The following KCNQ1OT1 variants were observed in gnomAD, a reference collection of about 807,000 sequenced individuals.
The protein encoded by KCNQ1OT1 is KCNQ1 opposite strand/antisense transcript 1.
In KCNQ1OT1 at chr11:2,676,752, T is replaced by C; in HGVS notation, n.23243A>G. ...AGTGGCTTTGGGTACGATGGTCTGC[T>C]GTATGAAGCAACCCTAGGACATTTG... On this transcript the variant is annotated non_coding_transcript_exon_variant, in exon 1 of 1. Transcript: ENST00000597346. This position sits in a 1 kb window ranked among gnomAD's most constrained non-coding sequence, Gnocchi z 4.2. The C allele has an allele frequency of 2.5e-6, 1 of 398,646 alleles. No homozygotes were observed. The highest frequency in any genetic ancestry group is 3.6e-5 in the East Asian group (1 of 28,078). 24.7% of individuals were successfully genotyped at this position (398,646 alleles called of 1,614,324 possible).
exon 1 of KCNQ1OT1, chr11:2,635,067 G>T (rs1206030856): frequency 1.3e-5 from 2 of 152,184 alleles, no homozygotes; most frequent in African/African-American, 4.8e-5. Flanking sequence ...GTTCTTTGTA[G>T]ATTCTGGATA....
chr11:2,630,482 T>TC (rs1310727248), exon 1 of KCNQ1OT1: 2 of 398,234 alleles, frequency 5.0e-6, no homozygotes, highest in Non-Finnish European at 4.4e-6. Flanking sequence ...ATCTTATACT[T>TC]CCCCCGCTAC....
chr11:2,691,298 A>C lies in KCNQ1OT1; in HGVS notation n.8697T>G, dbSNP rs1405139509. The C allele has an allele frequency of 5.0e-6, 2 of 398,446 alleles. No homozygotes were observed. The highest frequency in any genetic ancestry group is 8.8e-6 in the Non-Finnish European group (2 of 226,086). The allele number at this position is 398,446 out of a possible 1,614,324, so 24.7% of individuals were successfully genotyped here. A position where few individuals can be genotyped will look rare whatever the true frequency, so the allele number is the denominator to read the frequency against. On this transcript the variant is annotated non_coding_transcript_exon_variant, in exon 1 of 1. Coordinates refer to ENST00000597346, the Ensembl canonical transcript of KCNQ1OT1. This position sits in a 1 kb window ranked among gnomAD's most constrained non-coding sequence, Gnocchi z 6.4. ...ATCAGGAAGGAGAGCTGACAAGAAA[A>C]AGGCGATGTCTCACCCCTGAGCTAC... is the stretch of plus-strand genomic sequence containing the variant.
Position 2,628,325 on chromosome 11 carries a change from G to A in KCNQ1OT1, n.71670C>T, listed in dbSNP as rs77825075. 99 of 398,326 alleles carry A rather than the reference G, an allele frequency of 2.5e-4. 1 individual carries two copies. The highest frequency in any genetic ancestry group is 1.9e-3 in the African/African-American group (93 of 48,676). The allele number at this position is 398,326 out of a possible 1,614,324, so 24.7% of individuals were successfully genotyped here. On this transcript the variant is annotated non_coding_transcript_exon_variant, in exon 1 of 1. Transcript: ENST00000597346. Reference sequence around the variant, plus strand: ...TATCTTTTGACTTTTTGATAATAGCGATTCTAACAGTTATGAGGTGATATC... The same window carrying A: ...TATCTTTTGACTTTTTGATAATAGCAATTCTAACAGTTATGAGGTGATATC...
rs1850343726 is a variant in KCNQ1OT1, at chr11:2,679,109, T to C, written n.20886A>G. On this transcript the variant is annotated non_coding_transcript_exon_variant, in exon 1 of 1. Coordinates refer to ENST00000597346, the Ensembl canonical transcript of KCNQ1OT1. The surrounding 1 kb of genome is among the most constrained non-coding windows in gnomAD (Gnocchi z 4.8). The stretch of plus-strand genomic sequence containing the variant: ...GTCATAGCTAGAGCTAGAGTGCTGT[T>C]ATAAGCTGTGCAGGCCAAAATGGTT... 2.5e-6 allele frequency: 1 copy of C among 398,646 alleles called. No homozygotes were observed. The highest frequency in any genetic ancestry group is 4.4e-6 in the Non-Finnish European group (1 of 226,068). The allele number at this position is 398,646 out of a possible 1,614,324, so 24.7% of individuals were successfully genotyped here. A position where few individuals can be genotyped will look rare whatever the true frequency, so the allele number is the denominator to read the frequency against.
At position 2,676,840 on chromosome 11, in the gene KCNQ1OT1, G is replaced by A. The variant is rs769982423; in HGVS notation, n.23155C>T. 6.8e-5 allele frequency: 27 copies of A among 398,492 alleles called. No homozygotes were observed. Among genetic ancestry groups the A allele is most frequent in the Non-Finnish European group, 1.1e-4 (25 of 226,070 alleles). The allele number at this position is 398,492 out of a possible 1,614,324, so 24.7% of individuals were successfully genotyped here. On this transcript the variant is annotated non_coding_transcript_exon_variant, in exon 1 of 1. Coordinates refer to ENST00000597346, the Ensembl canonical transcript of KCNQ1OT1. This position sits in a 1 kb window ranked among gnomAD's most constrained non-coding sequence, Gnocchi z 4.2. ...TCTACCACAGGGGTCATGTTGTAAT[G>A]ACACCTGTCAGCTTTGACTGGGGAG...
At position 2,620,199 on chromosome 11, in the gene KCNQ1OT1, G is replaced by GTA. The variant is rs140322945; in HGVS notation, n.79794_79795dup. On this transcript the variant is annotated non_coding_transcript_exon_variant, in exon 1 of 1. Coordinates refer to ENST00000597346, the Ensembl canonical transcript of KCNQ1OT1. This position sits in a 1 kb window ranked among gnomAD's most constrained non-coding sequence, Gnocchi z 4.5. ...CTGCAAAGGACGTAAGTTCATTCAT[G>GTA]TATATATATATATTTTTTTTTTTTA... The GTA allele has an allele frequency of 1.0e-3, 305 of 295,018 alleles. 1 individual carries two copies. The highest frequency in any genetic ancestry group is 7.2e-3 in the African/African-American group (222 of 30,680). The allele number at this position is 295,018 out of a possible 1,614,324, so 18.3% of individuals were successfully genotyped here.
Position 2,648,827 on chromosome 11 carries a change from T to G in KCNQ1OT1, n.51168A>C, listed in dbSNP as rs181892045. On this transcript the variant is annotated non_coding_transcript_exon_variant, in exon 1 of 1. Coordinates refer to ENST00000597346, the Ensembl canonical transcript of KCNQ1OT1. Reference sequence around the variant, plus strand: ...AAATGTTGCCATCCCTAACTATTATTGTATTGGGGTCTATCTCTTTAGCAC... The same window carrying G: ...AAATGTTGCCATCCCTAACTATTATGGTATTGGGGTCTATCTCTTTAGCAC... 3 of 398,508 alleles carry G rather than the reference T, an allele frequency of 7.5e-6. No homozygotes were observed. In the East Asian group the frequency reaches 1.1e-4, roughly 14 times the overall value. The allele number at this position is 398,508 out of a possible 1,614,324, so 24.7% of individuals were successfully genotyped here.
exon 1 of KCNQ1OT1, chr11:2,694,204 G>T (rs1850635071): frequency 2.5e-6 from 1 of 398,580 alleles, no homozygotes; most frequent in Non-Finnish European, 4.4e-6. Context: ...TCTCACCGAG[G>T]TGGTGAGGCT....
At chr11:2,635,188 A>G (rs1849441193) in exon 1 of KCNQ1OT1, 1 of 152,164 alleles carries the variant, frequency 6.6e-6, no homozygotes, top group Admixed American at 6.5e-5. Context: ...TAGTTTAATT[A>G]GATCCCATTT....
In KCNQ1OT1 at chr11:2,642,711, G is replaced by C. The variant is rs1020023655; in HGVS notation, n.57284C>G. ...TTTCCTTCTACTAATTTTATGTTTA[G>C]TATGGTTTGTTCTTGCTTTTCTGGT... On this transcript the variant is annotated non_coding_transcript_exon_variant, in exon 1 of 1. Transcript: ENST00000597346. The surrounding 1 kb of genome is among the most constrained non-coding windows in gnomAD (Gnocchi z 4.3). 6 of 397,502 alleles carry C rather than the reference G, an allele frequency of 1.5e-5. No individual in the cohort carries two copies. The highest frequency in any genetic ancestry group is 1.3e-4 in the Admixed American group (3 of 22,646). The allele number at this position is 397,502 out of a possible 1,614,324, so 24.6% of individuals were successfully genotyped here.
rs1487761283 is a variant in KCNQ1OT1 at position 2,677,067 on chromosome 11, T to G, written n.22928A>C. 2 of 398,496 alleles carry G rather than the reference T, an allele frequency of 5.0e-6. No homozygotes were observed. Among genetic ancestry groups the G allele is most frequent in the Non-Finnish European group, 8.8e-6 (2 of 226,062 alleles). The allele number at this position is 398,496 out of a possible 1,614,324, so 24.7% of individuals were successfully genotyped here. A position where few individuals can be genotyped will look rare whatever the true frequency, so the allele number is the denominator to read the frequency against. Reference sequence around the variant, plus strand: ...AGGGCAGCTAAAAAACAGCAGCCATTAACCATTCAAATATATTCACTACTG... The same window carrying G: ...AGGGCAGCTAAAAAACAGCAGCCATGAACCATTCAAATATATTCACTACTG... On this transcript the variant is annotated non_coding_transcript_exon_variant, in exon 1 of 1. Coordinates refer to ENST00000597346, the Ensembl canonical transcript of KCNQ1OT1. The surrounding 1 kb of genome is among the most constrained non-coding windows in gnomAD (Gnocchi z 4.5).
Position 2,695,715 on chromosome 11 carries a change from C to G in KCNQ1OT1, n.4280G>C, listed in dbSNP as rs1850664208. On this transcript the variant is annotated non_coding_transcript_exon_variant, in exon 1 of 1. Transcript: ENST00000597346. The surrounding 1 kb of genome is among the most constrained non-coding windows in gnomAD (Gnocchi z 5.2). ...GAACGTCTGTGCCTGTCTCCGTCCC[C>G]ACCTGCAGCACACAGGGAGGCTTGT... The G allele has an allele frequency of 2.5e-6, 1 of 398,546 alleles. No individual in the cohort carries two copies. The highest frequency in any genetic ancestry group is 2.1e-5 in the African/African-American group (1 of 48,634). The allele number at this position is 398,546 out of a possible 1,614,324, so 24.7% of individuals were successfully genotyped here. A position where few individuals can be genotyped will look rare whatever the true frequency, so the allele number is the denominator to read the frequency against.
exon 1 of KCNQ1OT1, chr11:2,655,955 C>A (rs959766678): frequency 1.0e-5 from 4 of 398,610 alleles, no homozygotes; most frequent in Non-Finnish European, 1.8e-5. Flanking sequence ...CTGGCAGGTG[C>A]AGGTCCCACC....
chr11:2,610,111 T>C lies in KCNQ1OT1; in HGVS notation n.89884A>G, dbSNP rs190484983. On this transcript the variant is annotated non_coding_transcript_exon_variant, in exon 1 of 1. Transcript: ENST00000597346. ...CTATTTCTCCTTTGCTGCTTTCTTT[T>C]CCATCTAGTGACTACTTTCTAATAT... The C allele has an allele frequency of 3.5e-3, 1,376 of 397,978 alleles. 1 individual carries two copies. Among genetic ancestry groups the C allele is most frequent in the Non-Finnish European group, 4.7e-3 (1,055 of 225,724 alleles). 24.7% of individuals were successfully genotyped at this position (397,978 alleles called of 1,614,324 possible).
exon 1 of KCNQ1OT1, chr11:2,665,197 T>C (rs1195989817): frequency 1.5e-5 from 6 of 398,556 alleles, no homozygotes; most frequent in Middle Eastern, 1.2e-3. Context: ...CGAACACACC[T>C]TTCAGGCAGA....
At position 2,611,468 on chromosome 11, in the gene KCNQ1OT1, T is replaced by A. The variant is rs1344539486; in HGVS notation, n.88527A>T. Reference sequence around the variant, plus strand: ...CTCGAGTGATCTGTCTGCCTCAGCCTCCCAAAATGCTGGGATTACAGGTGT... The same window carrying A: ...CTCGAGTGATCTGTCTGCCTCAGCCACCCAAAATGCTGGGATTACAGGTGT... On this transcript the variant is annotated non_coding_transcript_exon_variant, in exon 1 of 1. Coordinates refer to ENST00000597346, the Ensembl canonical transcript of KCNQ1OT1. This position sits in a 1 kb window ranked among gnomAD's most constrained non-coding sequence, Gnocchi z 5.3. The A allele has an allele frequency of 2.3e-5, 9 of 397,940 alleles. No individual in the cohort carries two copies. Among genetic ancestry groups the A allele is most frequent in the Admixed American group, 4.4e-5 (1 of 22,712 alleles). The allele number at this position is 397,940 out of a possible 1,614,324, so 24.7% of individuals were successfully genotyped here.
exon 1 of KCNQ1OT1, chr11:2,637,615 A>G (rs185799539): frequency 7.2e-5 from 11 of 152,298 alleles, no homozygotes; most frequent in Admixed American, 3.3e-4. Context: ...TATGTGGTCA[A>G]TTTTGGAATA....
Position 2,617,037 on chromosome 11 carries a change from G to T in KCNQ1OT1, n.82958C>A. 1 of 397,866 alleles carries T rather than the reference G, an allele frequency of 2.5e-6. No homozygotes were observed. Among genetic ancestry groups the T allele is most frequent in the East Asian group, 3.6e-5 (1 of 28,004 alleles). 24.6% of individuals were successfully genotyped at this position (397,866 alleles called of 1,614,324 possible). A position where few individuals can be genotyped will look rare whatever the true frequency, so the allele number is the denominator to read the frequency against. Reference sequence around the variant, plus strand: ...ACAGTTAAATCGTTAACATAGTGATGCAAATTAATATGTCCATCATCTCAC... The same window carrying T: ...ACAGTTAAATCGTTAACATAGTGATTCAAATTAATATGTCCATCATCTCAC... On this transcript the variant is annotated non_coding_transcript_exon_variant, in exon 1 of 1. Coordinates refer to ENST00000597346, the Ensembl canonical transcript of KCNQ1OT1. The surrounding 1 kb of genome is among the most constrained non-coding windows in gnomAD (Gnocchi z 4.6).
Sources: gnomAD v4.1 joint callset for allele counts on GRCh38, gnomAD v4.1.1 for gene constraint, Gnocchi (gnomAD v3.1) non-coding constraint, MANE v1.5 for transcripts, NCBI Gene and HGNC (gene_info 2026-07-23, HGNC 2026-07-21) for gene names.